OPA1: variants seen among roughly 807,000 people sequenced by gnomAD.
OPA1 encodes OPA1 mitochondrial dynamin like GTPase.
OPA1 carries 59 observed loss-of-function variants against 152.9 expected under a neutral mutation model. The ratio of observed to expected loss-of-function variants is 0.39; its 90% CI spans 0.31 to 0.48. The LOEUF is 0.48. OPA1 is among the 20% of genes least tolerant of loss of function. The pLI is 0.96. For missense variants in OPA1, 1,008 were observed against 1,216.8 expected, an observed-to-expected ratio of 0.83 and a Z score of 2.55; for synonymous variants, 400 against 389.9, an observed-to-expected ratio of 1.03 and a Z score of -0.31.
chr3:193,608,700 C>T (rs1727679502), intron 1 of OPA1, among the ~76,000 whole-genome samples: 1 of 151,876 alleles, frequency 6.6e-6, no homozygotes, highest in South Asian at 2.1e-4. Flanking sequence ...GTGGAGAGTT[C>T]TGTAGATGTG....
At chr3:193,611,507 G>A (rs1412607611) in intron 1 of OPA1, among the ~76,000 whole-genome samples, 2 of 148,634 alleles carry the variant, frequency 1.3e-5, no homozygotes, top group Admixed American at 1.4e-4. Context: ...TGAGGCAAGA[G>A]AATTGCTTGA....
Position 193,657,082 on chromosome 3 carries a change from T to C in OPA1, c.2181T>C (p.Val727=). 1.2e-6 allele frequency: 2 copies of C among 1,612,112 alleles called. No individual in the cohort carries two copies. Among genetic ancestry groups the C allele is most frequent in the Non-Finnish European group, 1.7e-6 (2 of 1,179,316 alleles). ...DKQLPNKAVE[V]AWETLQEEFS... ...TTTTTTCTTTCAAATAATTATAGGT[T>C]GCTTGGGAGACCCTACAAGAAGAAT... Residue 727 remains valine (V), a splice_region_variant and synonymous_variant, in exon 23 of 31, where the codon GTT becomes GTC. Transcript: ENST00000361510.
chr3:193,680,374 T>G (rs954274542), intron 29 of OPA1, among the ~76,000 whole-genome samples: 59 of 152,328 alleles, frequency 3.9e-4, no homozygotes, highest in African/African-American at 1.4e-3. Context: ...TTTGTCTTTG[T>G]AACAGCTTGA....
chr3:193,631,676 T>C lies in OPA1; in HGVS notation c.843+11T>C. 2 of 1,607,206 alleles carry C rather than the reference T, an allele frequency of 1.2e-6. No homozygotes were observed. Among genetic ancestry groups the C allele is most frequent in the East Asian group, 4.5e-5 (2 of 44,758 alleles). The stretch of plus-strand genomic sequence containing the variant: ...CTTCTGCACACTCAGGTAATCATGA[T>C]GACTAAGAAAAACTAGGGACTTTTA... On this transcript the variant is annotated intron_variant, in intron 8 of 30. Coordinates refer to ENST00000361510, the MANE Select transcript of OPA1 (RefSeq NM_130837.3).
At chr3:193,638,090 A>AG in intron 11 of OPA1, 25 bp downstream of exon 11, 1 of 1,534,428 alleles carries the variant, frequency 6.5e-7, no homozygotes, top group Non-Finnish European at 9.0e-7. Flanking sequence ...CGTCTCAGTG[A>AG]GGTTCCTTAG....
At chr3:193,607,533 G>T (rs1016269292) in intron 1 of OPA1, among the ~76,000 whole-genome samples, 6 of 152,076 alleles carry the variant, frequency 3.9e-5, no homozygotes, top group African/African-American at 1.4e-4. Context: ...TCGTTTCCCC[G>T]TTTCTTGTTT....
At chr3:193,692,161 T>C (rs1721778850) in intron 30 of OPA1, 29 bp downstream of exon 30, 2 of 1,137,998 alleles carry the variant, frequency 1.8e-6, no homozygotes, top group Admixed American at 1.9e-5. Flanking sequence ...ACTGTATTGG[T>C]GCTGACTAAA....
rs368751121 is a variant in OPA1 at position 193,615,635 on chromosome 3, A to T, written c.352-39A>T. On this transcript the variant is annotated intron_variant, in intron 2 of 30. Transcript: ENST00000361510. Reference sequence around the variant, plus strand: ...ATTTTTCTTTACATGTTTATTTGGCATGCAGAGCATCTGATTGACACACTT... The same window carrying T: ...ATTTTTCTTTACATGTTTATTTGGCTTGCAGAGCATCTGATTGACACACTT... 4.0e-5 allele frequency: 43 copies of T among 1,070,254 alleles called. No homozygotes were observed. In the African/African-American group the frequency reaches 6.2e-4, roughly 15 times the overall value. 66.3% of individuals were successfully genotyped at this position (1,070,254 alleles called of 1,614,324 possible).
At chr3:193,676,165 G>A (rs949509030) in intron 29 of OPA1, among the ~76,000 whole-genome samples, 1 of 152,084 alleles carries the variant, frequency 6.6e-6, no homozygotes, top group African/African-American at 2.4e-5. Context: ...TAAGTTCATT[G>A]GAATACATTC....
intron 1 of OPA1, among the ~76,000 whole-genome samples, chr3:193,606,819 C>G (rs1727360539): frequency 6.6e-6 from 1 of 152,162 alleles, no homozygotes; most frequent in South Asian, 2.1e-4. Flanking sequence ...ATTTCTAGTT[C>G]TAGATCCCTG....
chr3:193,634,512 GGT>G (rs1732632643), intron 8 of OPA1, among the ~76,000 whole-genome samples: 2 of 151,972 alleles, frequency 1.3e-5, no homozygotes, highest in African/African-American at 4.8e-5. Context: ...CCGCCTCCCG[GGT>G]TCAAGCGATT....
At chr3:193,598,951 T>C (rs538761301) in intron 1 of OPA1, among the ~76,000 whole-genome samples, 1 of 152,300 alleles carries the variant, frequency 6.6e-6, no homozygotes, top group Non-Finnish European at 1.5e-5. Flanking sequence ...CTGGTTGATA[T>C]CCCTCTCTGT....
At chr3:193,644,746 C>T (rs1189141861) in intron 16 of OPA1, among the ~76,000 whole-genome samples, 5 of 152,128 alleles carry the variant, frequency 3.3e-5, no homozygotes, top group African/African-American at 9.7e-5. Flanking sequence ...TCTGTGGCCT[C>T]CTCCCCATCT....
At chr3:193,691,049 A>G (rs1444357225) in intron 29 of OPA1, among the ~76,000 whole-genome samples, 3 of 152,156 alleles carry the variant, frequency 2.0e-5, no homozygotes, top group Non-Finnish European at 4.4e-5. Flanking sequence ...TCCTATCTCC[A>G]CAAAAAAATT....
rs549729514 is a variant in OPA1, at chr3:193,697,273, T to G, written c.*2673T>G. 5 of 152,384 alleles carry G rather than the reference T, an allele frequency of 3.3e-5. No homozygotes were observed. In the East Asian group the frequency reaches 9.6e-4, roughly 29 times the overall value. The allele number at this position is 152,384 out of a possible 1,614,324, so 9.4% of individuals were successfully genotyped here. A position where few individuals can be genotyped will look rare whatever the true frequency, so the allele number is the denominator to read the frequency against. On this transcript the variant is annotated 3_prime_UTR_variant, in exon 31 of 31. Transcript: ENST00000361510. ...AGTAATGGTTTTTCTCTCAGTTCTC[T>G]AAGCTGGTCTATGTTATAGCTCTAG...
chr3:193,685,771 CAA>C (rs904622092), intron 29 of OPA1, among the ~76,000 whole-genome samples: 1 of 150,696 alleles, frequency 6.6e-6, no homozygotes, highest in Admixed American at 6.6e-5. Context: ...AAGGAATAAA[CAA>C]AAAAAATTTA....
chr3:193,682,655 T>C lies in OPA1; in HGVS notation c.2984-9408T>C, dbSNP rs142156827. ...GGGCCCTTAAGGATTATGCTAAGTC[T>C]ATCCTGCTTGTTTTCTAAAAGTGGA... On this transcript the variant is annotated intron_variant, in intron 29 of 30. Transcript: ENST00000361510. 2.8e-3 allele frequency among the ~76,000 whole-genome samples: 422 copies of C among 152,320 alleles called. 3 individuals carry two copies. The highest frequency in any genetic ancestry group is 9.9e-3 in the African/African-American group (412 of 41,570).
rs1354547476 is a variant in OPA1, at chr3:193,695,869, G to A, written c.*1269G>A. On this transcript the variant is annotated 3_prime_UTR_variant, in exon 31 of 31. Transcript: ENST00000361510. Reference sequence around the variant, plus strand: ...GTTTTACATCAATGCATGCTTCGTTGTGATCCCTCAAGATGTAACACTTGG... The same window carrying A: ...GTTTTACATCAATGCATGCTTCGTTATGATCCCTCAAGATGTAACACTTGG... The A allele has an allele frequency of 1.3e-5, 2 of 152,120 alleles. No individual in the cohort carries two copies. The highest frequency in any genetic ancestry group is 2.4e-5 in the African/African-American group (1 of 41,422). The allele number at this position is 152,120 out of a possible 1,614,324, so 9.4% of individuals were successfully genotyped here.
intron 3 of OPA1, among the ~76,000 whole-genome samples, chr3:193,616,013 T>C (rs1473218596): frequency 1.3e-5 from 2 of 152,216 alleles, no homozygotes; most frequent in Non-Finnish European, 2.9e-5. Context: ...ATGTGGTTAG[T>C]ATCTTTTTAA....
Sources: gnomAD v4.1 joint callset for allele counts (sites outside exome capture counted in the v4.1 genomes callset) on GRCh38, gnomAD v4.1.1 for gene constraint, MANE v1.5 for transcripts, NCBI Gene and HGNC (gene_info 2026-07-23, HGNC 2026-07-21) for gene names.